The following ZYG11B variants were observed in gnomAD, a reference collection of about 807,000 sequenced individuals.
The protein encoded by ZYG11B is zyg-11 family member B, cell cycle regulator, also known as protein zyg-11 homolog B.
ZYG11B carries 36 observed loss-of-function variants against 82.4 expected under a neutral mutation model. The ratio of observed to expected loss-of-function variants is 0.44; its 90% CI spans 0.33 to 0.58. The LOEUF (loss-of-function observed/expected upper bound fraction) is 0.58, where lower values mean the gene tolerates loss of function less well. ZYG11B is among the 20% of genes least tolerant of loss of function. The pLI, the probability that ZYG11B is intolerant of heterozygous loss-of-function variation, is 0.02. For missense variants in ZYG11B, 552 were observed against 895.6 expected, an observed-to-expected ratio of 0.62 and a Z score of 4.90; for synonymous variants, 303 against 312.8, an observed-to-expected ratio of 0.97 and a Z score of 0.33.
rs1391023813 is a variant in ZYG11B, at chr1:52,756,545, G to A, written c.118G>A (p.Gly40Arg). The A allele has an allele frequency of 1.2e-6, 2 of 1,614,044 alleles. No individual in the cohort carries two copies. The highest frequency in any genetic ancestry group is 1.7e-5 in the Admixed American group (1 of 59,972). Residue 40 changes from glycine to arginine, a missense_variant, in exon 2 of 14, where the codon GGA (glycine) becomes AGA (arginine). Around this residue, in one of 3 missense-constraint regions of ZYG11B, gnomAD observed 359 missense variants for 555.8 expected, o/e 0.65. Transcript: ENST00000294353. ...LEKFCSARQD[G>R]TLCLQEPGVF... Reference sequence around the variant, plus strand: ...GAAGTTCTGTTCAGCCAGACAAGATGGAACATTGTGTCTGCAGGAACCTGG... The same window carrying A: ...GAAGTTCTGTTCAGCCAGACAAGATAGAACATTGTGTCTGCAGGAACCTGG...
chr1:52,762,513 C>A (rs993896163), intron 2 of ZYG11B, among the ~76,000 whole-genome samples: 3 of 150,868 alleles, frequency 2.0e-5, no homozygotes, highest in Non-Finnish European at 4.4e-5. Flanking sequence ...CTGGCCTGTG[C>A]TTTTGAGGTC....
chr1:52,759,247 A>G (rs1644606284), intron 2 of ZYG11B, among the ~76,000 whole-genome samples: 1 of 152,150 alleles, frequency 6.6e-6, no homozygotes. Context: ...TCAGTATATT[A>G]GATTAAAAAA....
At chr1:52,748,638 A>G (rs1230584347) in intron 1 of ZYG11B, among the ~76,000 whole-genome samples, 2 of 152,116 alleles carry the variant, frequency 1.3e-5, no homozygotes, top group South Asian at 2.1e-4. Context: ...CGAGGCGGGC[A>G]GATCACCTGA....
intron 6 of ZYG11B, among the ~76,000 whole-genome samples, chr1:52,796,062 T>G (rs928660599): frequency 5.3e-5 from 8 of 152,212 alleles, no homozygotes; most frequent in African/African-American, 1.9e-4. Flanking sequence ...AAATGCCAAA[T>G]AGTTGGAATG....
At position 52,813,857 on chromosome 1, in the gene ZYG11B, C is replaced by T. The variant is rs574860983; in HGVS notation, c.1894-3C>T. ...CCTTTCTTGTGTGTCTTTTGTCTTC[C>T]AGCATTCAGCTATTTTGAAATGGCC... is the stretch of plus-strand genomic sequence containing the variant. On this transcript the variant is annotated splice_polypyrimidine_tract_variant and splice_region_variant and intron_variant, in intron 11 of 13. Coordinates refer to ENST00000294353, the MANE Select transcript of ZYG11B (RefSeq NM_024646.3). The T allele has an allele frequency of 5.6e-6, 9 of 1,614,038 alleles. No homozygotes were observed. The African/African-American group carries it at 6.7e-5, about 12-fold the overall frequency.
At chr1:52,800,822 A>G (rs1232137159) in intron 8 of ZYG11B, among the ~76,000 whole-genome samples, 1 of 152,146 alleles carries the variant, frequency 6.6e-6, no homozygotes. Flanking sequence ...AAAAATTAAA[A>G]AAAAGGAATT....
At chr1:52,746,714 T>TTTTTTTTTTTTG (rs1644480681) in intron 1 of ZYG11B, among the ~76,000 whole-genome samples, 1 of 128,572 alleles carries the variant, frequency 7.8e-6, no homozygotes, top group African/African-American at 2.9e-5. Flanking sequence ...TTTTTTTTTT[T>TTTTTTTTTTTTG]GCGGCTGGAA....
In ZYG11B at chr1:52,773,628, T is replaced by TATATATATATATA. The variant is rs59444202; in HGVS notation, c.951+1854_951+1855insATATATATATATA. On this transcript the variant is annotated intron_variant, in intron 3 of 13. Coordinates refer to ENST00000294353, the MANE Select transcript of ZYG11B (RefSeq NM_024646.3). Reference sequence around the variant, plus strand: ...ATATATATATATATATATATATATATTTTTTTTTTTTTTTTTTTTTTTTTT... The same window carrying TATATATATATATA: ...ATATATATATATATATATATATATATATATATATATATATTTTTTTTTTTTTTTTTTTTTTTTT... Among the ~76,000 whole-genome samples, 40 of 13,168 alleles carry TATATATATATATA rather than the reference T, an allele frequency of 3.0e-3. 1 individual carries two copies. The highest frequency in any genetic ancestry group is 0.045 in the Middle Eastern group (1 of 22). The allele number at this position is 13,168 out of a possible 152,430, so 8.6% of individuals were successfully genotyped here. A position where few individuals can be genotyped will look rare whatever the true frequency, so the allele number is the denominator to read the frequency against.
Position 52,726,670 on chromosome 1 carries a change from C to A in ZYG11B, c.17C>A (p.Ala6Asp). The change falls in exon 1 of 14, where the codon GCC (alanine) becomes GAC (aspartate). Residue 6 changes from alanine to aspartate, a missense_variant. Physicochemically the swap from Ala to Asp is moderately radical, Grantham distance 126. Around this residue, in one of 3 missense-constraint regions of ZYG11B, gnomAD observed 359 missense variants for 555.8 expected, o/e 0.65. Transcript: ENST00000294353. ...GGAGGCTGCATGCCCGAGGACCAGG[C>A]CGGCGCAGCCATGGTGAGGGAGCAA... MPEDQAGAAMEEASPY... is the reference protein window; with the variant it reads MPEDQDGAAMEEASPY... 1 of 1,479,046 alleles carries A rather than the reference C, an allele frequency of 6.8e-7. No homozygotes were observed. Among genetic ancestry groups the A allele is most frequent in the Non-Finnish European group, 8.9e-7 (1 of 1,121,754 alleles). The allele number at this position is 1,479,046 out of a possible 1,614,324, so 91.6% of individuals were successfully genotyped here.
In ZYG11B at chr1:52,757,061, A is replaced by G. The variant is rs187742930; in HGVS notation, c.196+438A>G. Among the ~76,000 whole-genome samples the G allele has an allele frequency of 2.7e-5, 4 of 150,272 alleles. No individual in the cohort carries two copies. In the East Asian group the frequency reaches 7.9e-4, roughly 30 times the overall value. On this transcript the variant is annotated intron_variant, in intron 2 of 13. Coordinates refer to ENST00000294353, the MANE Select transcript of ZYG11B (RefSeq NM_024646.3). The stretch of plus-strand genomic sequence containing the variant: ...TCTTTTTTTTTTTTTAAATTTTTTA[A>G]GAAACAGGGCCTTGTTCTGTTGCCC...
intron 2 of ZYG11B, among the ~76,000 whole-genome samples, chr1:52,766,225 A>G (rs1261209241): frequency 1.4e-5 from 2 of 147,352 alleles, no homozygotes; most frequent in Non-Finnish European, 3.0e-5. Context: ...GGTTCAAGTG[A>G]TTCTTCTGTC....
intron 10 of ZYG11B, among the ~76,000 whole-genome samples, chr1:52,812,233 C>T (rs1221156388): frequency 1.3e-5 from 2 of 151,922 alleles, no homozygotes; most frequent in East Asian, 3.9e-4. Flanking sequence ...CTTTGTATGC[C>T]TGGTAATTTT....
chr1:52,749,795 C>G (rs900806871), intron 1 of ZYG11B, among the ~76,000 whole-genome samples: 1 of 152,080 alleles, frequency 6.6e-6, no homozygotes, highest in African/African-American at 2.4e-5. Flanking sequence ...TCAGGTGATC[C>G]GCCTGCCTCA....
intron 13 of ZYG11B, among the ~76,000 whole-genome samples, chr1:52,817,815 ATTTT>A (rs1176871667): frequency 3.3e-4 from 9 of 27,676 alleles, no homozygotes; most frequent in East Asian, 2.1e-3. Context: ...ATATATATAT[ATTTT>A]TTTTTTTTTT....
chr1:52,790,715 CAA>C (rs755866491), intron 6 of ZYG11B, among the ~76,000 whole-genome samples: 998 of 49,572 alleles, frequency 0.02, no homozygotes, highest in African/African-American at 0.067. Context: ...AAGACTGTCT[CAA>C]AAAAAAAAAA....
intron 3 of ZYG11B, among the ~76,000 whole-genome samples, chr1:52,779,412 T>G (rs781570021): frequency 6.6e-6 from 1 of 152,194 alleles, no homozygotes; most frequent in African/African-American, 2.4e-5. Flanking sequence ...ATGACTAATC[T>G]GGATAGATTG....
intron 6 of ZYG11B, 116 bp downstream of exon 6, chr1:52,790,183 T>G: frequency 1.6e-6 from 1 of 626,054 alleles, no homozygotes. Flanking sequence ...ATAGATAGAA[T>G]TGTGGGTTAT....
At chr1:52,737,635 A>T (rs1644388969) in intron 1 of ZYG11B, among the ~76,000 whole-genome samples, 1 of 152,144 alleles carries the variant, frequency 6.6e-6, no homozygotes, top group Admixed American at 6.6e-5. Flanking sequence ...GCGTGGTGGC[A>T]TGCCTGTAAT....
At chr1:52,730,997 G>A (rs1293490542) in intron 1 of ZYG11B, among the ~76,000 whole-genome samples, 1 of 152,098 alleles carries the variant, frequency 6.6e-6, no homozygotes, top group Admixed American at 6.6e-5. Flanking sequence ...GATAGGCTGG[G>A]TGCAGTGGCT....
Sources: gnomAD v4.1 joint callset for allele counts (sites outside exome capture counted in the v4.1 genomes callset) on GRCh38, gnomAD v4.1.1 for gene constraint, gnomAD v4.1.1 regional missense constraint, MANE v1.5 for transcripts, NCBI Gene and HGNC (gene_info 2026-07-23, HGNC 2026-07-21) for gene names.